The following NPC1 variants were observed in gnomAD, a reference collection of about 807,000 sequenced individuals.
The protein encoded by NPC1 is Niemann-Pick C1 protein.
Under a neutral mutation model 140.4 loss-of-function variants are expected in NPC1, and 85 were observed. That is an observed-to-expected ratio of 0.61 (90% CI 0.51 to 0.72). The LOEUF (loss-of-function observed/expected upper bound fraction) is 0.72, where lower values mean the gene tolerates loss of function less well. NPC1 is among the 30% of genes least tolerant of loss of function. NPC1 has a pLI of 0.00. For synonymous variants in NPC1, 656 were observed against 624.8 expected (o/e 1.05, Z -0.74); for missense variants, 1,504 against 1,623.8 (o/e 0.93, Z 1.27).
chr18:23,549,836 G>C (rs2058842736), intron 10 of NPC1, among the ~76,000 whole-genome samples: 2 of 150,902 alleles, frequency 1.3e-5, no homozygotes, highest in Non-Finnish European at 2.9e-5. Context: ...CCACCTCCAG[G>C]ATTCAAGTGA....
At chr18:23,527,589 CT>C (rs71163615), downstream of NPC1, among the ~76,000 whole-genome samples, 267 of 108,344 alleles carry the variant, frequency 2.5e-3, no homozygotes, top group South Asian at 6.7e-3. Flanking sequence ...CCTGCTATAG[CT>C]TTTTTTTTTT....
chr18:23,561,371 GGAGT>G lies in NPC1; in HGVS notation c.616_619del (p.Thr206LeufsTer14), dbSNP rs1288781615. On this transcript the variant is annotated frameshift_variant, in exon 5 of 25. Coordinates refer to ENST00000269228, the MANE Select transcript of NPC1 (RefSeq NM_000271.5). LOFTEE classifies it high-confidence loss of function. The stretch of plus-strand genomic sequence containing the variant: ...ATCTTTATACCTACCTGAAAACACA[GGAGT>G]GATGGTAAAAGGTGCCTGTCCATTG... 1 of 1,614,096 alleles carries G rather than the reference GGAGT, an allele frequency of 6.2e-7. No individual in the cohort carries two copies. Among genetic ancestry groups the G allele is most frequent in the Non-Finnish European group, 8.5e-7 (1 of 1,180,010 alleles).
At chr18:23,543,672 T>C (rs1277960521) in intron 13 of NPC1, 103 bp from the exon 14 acceptor site, 8 of 718,004 alleles carry the variant, frequency 1.1e-5, no homozygotes, top group South Asian at 6.2e-5. Context: ...AAATGATTAG[T>C]AGACGATTAG....
intron 12 of NPC1, among the ~76,000 whole-genome samples, 200 bp from the exon 13 acceptor site, chr18:23,544,726 T>G (rs560016262): frequency 6.6e-6 from 1 of 152,310 alleles, no homozygotes; most frequent in South Asian, 2.1e-4. Flanking sequence ...TCTTAGGTGA[T>G]GGACTGGACA....
At chr18:23,518,457 G>C (rs1343010078), downstream of NPC1, among the ~76,000 whole-genome samples, 1 of 152,024 alleles carries the variant, frequency 6.6e-6, no homozygotes, top group Admixed American at 6.5e-5. Context: ...TTGCACCACT[G>C]CATTCCAGCC....
chr18:23,572,279 T>C, intron 2 of NPC1, 99 bp from the exon 3 acceptor site: 1 of 799,264 alleles, frequency 1.3e-6, no homozygotes. Context: ...GTAATCCTTT[T>C]GAAGTACAAA....
intron 14 of NPC1, among the ~76,000 whole-genome samples, chr18:23,543,254 G>C (rs1480966612): frequency 6.6e-6 from 1 of 151,336 alleles, no homozygotes; most frequent in African/African-American, 2.4e-5. Flanking sequence ...GCTTGAACCC[G>C]GGAGGCGGAG....
Position 23,536,832 on chromosome 18 carries a change from T to A in NPC1, c.3086A>T (p.His1029Leu), listed in dbSNP as rs747201863. ...YSSAVNILLG[H>L]GTRVGATYFM... ...GTACGTGGCTCCGACCCTGGTGCCA[T>A]GGCCAAGGAGGATGTTAACTGCAGA... The change falls in exon 21 of 25, where the codon CAT becomes CTT. Residue 1029 changes from histidine (H) to leucine (L), a missense_variant. By Grantham distance (99) the His-to-Leu change is moderately conservative. Transcript: ENST00000269228. The A allele has an allele frequency of 1.9e-6, 3 of 1,614,114 alleles. No homozygotes were observed.
At position 23,572,128 on chromosome 18, in the gene NPC1, C is replaced by T. The variant is rs373274825; in HGVS notation, c.233G>A (p.Arg78Gln). The T allele has an allele frequency of 5.7e-5, 92 of 1,613,648 alleles. No individual in the cohort carries two copies. Among genetic ancestry groups the T allele is most frequent in the African/African-American group, 4.4e-4 (33 of 74,982 alleles). Residue 78 changes from arginine (R) to glutamine (Q), a missense_variant, in exon 3 of 25, where the codon CGG becomes CAG. Coordinates refer to ENST00000269228, the MANE Select transcript of NPC1 (RefSeq NM_000271.5). The stretch of plus-strand genomic sequence containing the variant: ...GTTGTCTTTTAGTGTCTGAAGCTGC[C>T]GAACATCACAACAGAGACTGACATT... Reference protein sequence around the residue: ...FGNVSLCCDVRQLQTLKDNLQ... With the variant: ...FGNVSLCCDVQQLQTLKDNLQ...
At chr18:23,542,529 C>T (rs931096520) in intron 14 of NPC1, among the ~76,000 whole-genome samples, 4 of 150,662 alleles carry the variant, frequency 2.7e-5, no homozygotes, top group African/African-American at 9.7e-5. Flanking sequence ...TTTGCTCTTA[C>T]TACACTTCAG....
chr18:23,570,137 G>A (rs1245903810), intron 3 of NPC1, among the ~76,000 whole-genome samples: 1 of 152,112 alleles, frequency 6.6e-6, no homozygotes, highest in Non-Finnish European at 1.5e-5. Context: ...AACCACAATT[G>A]TATTATTCTA....
downstream of NPC1, chr18:23,530,570 C>G: frequency 6.2e-7 from 1 of 1,614,094 alleles, no homozygotes; most frequent in Non-Finnish European, 8.5e-7. Context: ...CTTTTTTGAA[C>G]AGCGAAACCA....
chr18:23,541,184 A>G lies in NPC1; in HGVS notation c.2398T>C (p.Cys800Arg). The change falls in exon 16 of 25, where the codon TGT becomes CGT. Residue 800 changes from cysteine (C) to arginine (R), a missense_variant. Cys to Arg is a radical substitution (Grantham distance 180). Coordinates refer to ENST00000269228, the MANE Select transcript of NPC1 (RefSeq NM_000271.5). ...GTTCCATCTTCAGCACCTCTGACAC[A>G]GCAAAAGATGTCTAGCCGATTTTTC... ...QEKNRLDIFC[C>R]VRGAEDGTSV... 6.2e-7 allele frequency: 1 copy of G among 1,614,240 alleles called. No homozygotes were observed. The highest frequency in any genetic ancestry group is 8.5e-7 in the Non-Finnish European group (1 of 1,180,036).
At position 23,586,471 on chromosome 18, in the gene NPC1, G is replaced by A. The variant is rs1015751000; in HGVS notation, c.-128C>T. The A allele has an allele frequency of 6.9e-7, 1 of 1,456,222 alleles. No homozygotes were observed. The highest frequency in any genetic ancestry group is 9.0e-7 in the Non-Finnish European group (1 of 1,111,272). 90.2% of individuals were successfully genotyped at this position (1,456,222 alleles called of 1,614,324 possible). ...GAGCGGAGGAGCAGGAGCAGGCGCT[G>A]ACCGCGGCAGCAGGCTGCGCGCGCC... On this transcript the variant is annotated 5_prime_UTR_variant, in exon 1 of 25. Coordinates refer to ENST00000269228, the MANE Select transcript of NPC1 (RefSeq NM_000271.5).
chr18:23,549,615 G>A (rs2058838073), intron 10 of NPC1, among the ~76,000 whole-genome samples: 1 of 151,962 alleles, frequency 6.6e-6, no homozygotes, highest in Non-Finnish European at 1.5e-5. Flanking sequence ...CTCCAGCCTG[G>A]ACAACAGAGC....
At position 23,568,943 on chromosome 18, in the gene NPC1, G is replaced by C. The variant is rs748017608; in HGVS notation, c.343C>G (p.Pro115Ala). The change falls in exon 4 of 25, where the codon CCT becomes GCT. Residue 115 changes from proline (P) to alanine (A), a missense_variant. By Grantham distance (27) the Pro-to-Ala change is conservative. Coordinates refer to ENST00000269228, the MANE Select transcript of NPC1 (RefSeq NM_000271.5). ...LNLFCELTCS[P>A]RQSQFLNVTA... ...ACATTCAAAAACTGACTCTGTCGAG[G>C]GCTACATGTCAGCTCACAAAACAGG... The C allele has an allele frequency of 1.2e-6, 2 of 1,613,904 alleles. No individual in the cohort carries two copies. The highest frequency in any genetic ancestry group is 1.7e-5 in the Admixed American group (1 of 60,010).
chr18:23,513,793 TTGTG>T (rs780200904), intron 3 of NPC1, among the ~76,000 whole-genome samples: 28 of 152,234 alleles, frequency 1.8e-4, no homozygotes, highest in East Asian at 3.8e-4. Flanking sequence ...TTGAGCACTT[TTGTG>T]TGTGTGTTTT....
At chr18:23,560,106 T>C (rs1444168826) in intron 6 of NPC1, 125 bp downstream of exon 6, 15 of 1,149,718 alleles carry the variant, frequency 1.3e-5, no homozygotes, top group Non-Finnish European at 2.6e-6. Context: ...CAATAATCCA[T>C]GCAATGGTAT....
rs1258151171 is a variant in NPC1 at position 23,561,468 on chromosome 18, G to A, written c.523C>T (p.Leu175Phe). 2 of 1,614,150 alleles carry A rather than the reference G, an allele frequency of 1.2e-6. No homozygotes were observed. Among genetic ancestry groups the A allele is most frequent in the East Asian group, 2.2e-5 (1 of 44,884 alleles). Reference sequence around the variant, plus strand: ...GCGTCAGCGTCCTTCCCACACAGGAGTCCCAGGGCCTTGTCATTACTTGAG... The same window carrying A: ...GCGTCAGCGTCCTTCCCACACAGGAATCCCAGGGCCTTGTCATTACTTGAG... ...APSSNDKALGLLCGKDADACN... is the reference protein window; with the variant it reads ...APSSNDKALGFLCGKDADACN... The change falls in exon 5 of 25, where the codon CTC becomes TTC. Residue 175 changes from leucine (L) to phenylalanine (F), a missense_variant. Leu to Phe is a conservative substitution (Grantham distance 22). Coordinates refer to ENST00000269228, the MANE Select transcript of NPC1 (RefSeq NM_000271.5).
Sources: allele counts gnomAD v4.1 joint callset (sites outside exome capture counted in the v4.1 genomes callset), GRCh38; gene constraint gnomAD v4.1.1; transcripts MANE v1.5; gene names NCBI Gene and HGNC (gene_info 2026-07-23, HGNC 2026-07-21).